The following EXO1 variants were observed in gnomAD, a reference collection of about 807,000 sequenced individuals.
EXO1 encodes the protein exonuclease 1.
A neutral mutation model predicts 84.5 loss-of-function variants in EXO1; 69 were observed. That is an observed-to-expected ratio of 0.82 (90% CI 0.67 to 1.00). The LOEUF is 1.00. Among genes scored for constraint, EXO1 ranks in the 50% least tolerant of loss-of-function variants. EXO1 has a pLI of 0.00. For missense variants in EXO1, 1,045 were observed against 1,000.7 expected (o/e 1.04, Z -0.60); for synonymous variants, 373 against 366.1 (o/e 1.02, Z -0.21).
chr1:241,886,467 C>A (rs535615083), intron 15 of EXO1, among the ~76,000 whole-genome samples: 1 of 152,040 alleles, frequency 6.6e-6, no homozygotes, highest in Non-Finnish European at 1.5e-5. Context: ...TAGGATTAAA[C>A]CTTACCTAGT....
chr1:241,884,673 G>GCGCA (rs77291686), intron 14 of EXO1, among the ~76,000 whole-genome samples: 2 of 115,906 alleles, frequency 1.7e-5, no homozygotes, highest in Non-Finnish European at 3.6e-5. Flanking sequence ...GTGTGTGTGT[G>GCGCA]TGTGCACGTG....
chr1:241,856,062 C>A (rs1661013810), intron 6 of EXO1, among the ~76,000 whole-genome samples: 1 of 152,212 alleles, frequency 6.6e-6, no homozygotes, highest in Admixed American at 6.5e-5. Context: ...CAAGTGCCGC[C>A]AAAGTGGGAG....
At chr1:241,853,217 C>T (rs1363889228) in intron 5 of EXO1, 141 bp from the exon 6 acceptor site, 1 of 808,708 alleles carries the variant, frequency 1.2e-6, no homozygotes, top group South Asian at 1.5e-5. Flanking sequence ...GGTTAATGTT[C>T]TCAAGGGCCT....
intron 11 of EXO1, 62 bp from the exon 12 acceptor site, chr1:241,871,965 GAAGTT>G (rs1369773272): frequency 9.0e-7 from 1 of 1,111,822 alleles, no homozygotes; most frequent in African/African-American, 1.6e-5. Flanking sequence ...GATATAAACT[GAAGTT>G]AAGGCCAAAT....
At chr1:241,888,918 TAC>T (rs372145994) in intron 15 of EXO1, among the ~76,000 whole-genome samples, 88 of 151,914 alleles carry the variant, frequency 5.8e-4, no homozygotes, top group African/African-American at 2.1e-3. Flanking sequence ...GTAGTAAAAA[TAC>T]AAAAATTAGC....
In EXO1 at chr1:241,879,034, C is replaced by A. The variant is rs1464464829; in HGVS notation, c.1800C>A (p.Pro600=). 2 of 1,614,086 alleles carry A rather than the reference C, an allele frequency of 1.2e-6. No individual in the cohort carries two copies. The highest frequency in any genetic ancestry group is 2.7e-5 in the African/African-American group (2 of 74,922). The part of the protein sequence containing the change: ...SSKFTRTISP[P]TLGTLRSCFS... Reference sequence around the variant, plus strand: ...AATTTACAAGGACCATTTCACCACCCACTTTGGGAACACTAAGAAGTTGTT... The same window carrying A: ...AATTTACAAGGACCATTTCACCACCAACTTTGGGAACACTAAGAAGTTGTT... The change falls in exon 13 of 16, where the codon CCC becomes CCA. Residue 600 remains proline, a synonymous_variant. Coordinates refer to ENST00000366548, the MANE Select transcript of EXO1 (RefSeq NM_130398.4).
intron 6 of EXO1, among the ~76,000 whole-genome samples, chr1:241,855,713 G>A (rs184187662): frequency 2.6e-5 from 4 of 152,150 alleles, no homozygotes; most frequent in African/African-American, 7.2e-5. Flanking sequence ...CTGCAGTCCC[G>A]AGTCCTGCCC....
intron 8 of EXO1, among the ~76,000 whole-genome samples, 170 bp from the exon 9 acceptor site, chr1:241,860,347 T>C (rs1661311386): frequency 6.6e-6 from 1 of 152,190 alleles, no homozygotes; most frequent in Admixed American, 6.5e-5. Context: ...TTATGAGACT[T>C]AGAATTTTAA....
rs1660470362 is a variant in EXO1 at position 241,848,380 on chromosome 1, T to C, written c.-420+27T>C. ...TGAGAGGAGCGGGCTGTGCGGAGGC[T>C]AATGGGTGGGTTCCCTTGGGGGTCG... On this transcript the variant is annotated intron_variant, in intron 1 of 15. Coordinates refer to ENST00000366548, the MANE Select transcript of EXO1 (RefSeq NM_130398.4). The surrounding 1 kb of genome is among the most constrained non-coding windows in gnomAD (Gnocchi z 4.2). The C allele has an allele frequency of 6.6e-6, 1 of 152,336 alleles. No individual in the cohort carries two copies. The highest frequency in any genetic ancestry group is 6.5e-5 in the Admixed American group (1 of 15,286). 9.4% of individuals were successfully genotyped at this position (152,336 alleles called of 1,614,324 possible). A position where few individuals can be genotyped will look rare whatever the true frequency, so the allele number is the denominator to read the frequency against.
intron 4 of EXO1, 110 bp downstream of exon 4, chr1:241,850,696 G>A: frequency 1.1e-6 from 1 of 882,084 alleles, no homozygotes; most frequent in East Asian, 2.5e-5. Context: ...AACTTATCAG[G>A]AAGTAAAAGT....
Position 241,858,528 on chromosome 1 carries a change from T to C in EXO1, c.566T>C (p.Phe189Ser). The change falls in exon 8 of 16, where the codon TTT becomes TCT. Residue 189 changes from phenylalanine to serine, a missense_variant. By Grantham distance (155) the Phe-to-Ser change is radical. Coordinates refer to ENST00000366548, the MANE Select transcript of EXO1 (RefSeq NM_130398.4). ...CKKVILKMDQ[F>S]GNGLEIDQAR... is the part of the protein sequence containing the mutation. ...AAGGTAATTTTAAAGATGGACCAGT[T>C]TGGAAATGGACTTGAAATTGATCAA... 1 of 1,613,982 alleles carries C rather than the reference T, an allele frequency of 6.2e-7. No individual in the cohort carries two copies. Among genetic ancestry groups the C allele is most frequent in the South Asian group, 1.1e-5 (1 of 91,084 alleles).
chr1:241,866,206 T>C (rs1455260501), intron 10 of EXO1, among the ~76,000 whole-genome samples: 6 of 152,194 alleles, frequency 3.9e-5, no homozygotes, highest in Non-Finnish European at 4.4e-5. Flanking sequence ...CTCTGCCTCC[T>C]GGGTTCAAGT....
At chr1:241,867,576 GAGTT>G (rs765056785) in intron 11 of EXO1, among the ~76,000 whole-genome samples, 24 of 151,878 alleles carry the variant, frequency 1.6e-4, no homozygotes, top group Non-Finnish European at 2.8e-4. Flanking sequence ...GAGCCATTTT[GAGTT>G]AGTTTTTTTA....
chr1:241,859,741 A>G (rs1661266777), intron 8 of EXO1, among the ~76,000 whole-genome samples: 1 of 152,230 alleles, frequency 6.6e-6, no homozygotes, highest in South Asian at 2.1e-4. Context: ...CATGTATCAT[A>G]TATCATCTGG....
chr1:241,871,889 A>C, intron 11 of EXO1, 143 bp from the exon 12 acceptor site: 2 of 612,094 alleles, frequency 3.3e-6, no homozygotes, highest in Non-Finnish European at 5.6e-6. Context: ...CCTTATCCTT[A>C]TGTTTTCTTT....
chr1:241,884,117 CT>C (rs1662914757), intron 14 of EXO1, among the ~76,000 whole-genome samples: 1 of 152,124 alleles, frequency 6.6e-6, no homozygotes, highest in Non-Finnish European at 1.5e-5. Flanking sequence ...TTTCAAAATC[CT>C]AAGGTTGTCC....
chr1:241,869,478 G>A (rs1326532669), intron 11 of EXO1, among the ~76,000 whole-genome samples: 1 of 152,008 alleles, frequency 6.6e-6, no homozygotes, highest in Non-Finnish European at 1.5e-5. Context: ...ATCTACATCG[G>A]TGAATGAAAT....
At chr1:241,867,085 TGA>T in intron 11 of EXO1, 30 bp downstream of exon 11, 1 of 1,455,584 alleles carries the variant, frequency 6.9e-7, no homozygotes, top group Non-Finnish European at 9.6e-7. Flanking sequence ...AAAATGCTGG[TGA>T]ATATTGGTCA....
rs140390890 is a variant in EXO1, at chr1:241,874,208, G to A, written c.1514+1930G>A. On this transcript the variant is annotated intron_variant, in intron 12 of 15. Coordinates refer to ENST00000366548, the MANE Select transcript of EXO1 (RefSeq NM_130398.4). ...GAGGTCAGGAGTTTGAGACTAGCCT[G>A]GATGAAATGGGGAAACCCCGTCCTT... Among the ~76,000 whole-genome samples the A allele has an allele frequency of 7.7e-3, 1,168 of 152,288 alleles. 18 individuals carry two copies. The highest frequency in any genetic ancestry group is 0.027 in the African/African-American group (1,109 of 41,556).
Sources: gnomAD v4.1 joint callset for allele counts (sites outside exome capture counted in the v4.1 genomes callset) on GRCh38, gnomAD v4.1.1 for gene constraint, Gnocchi (gnomAD v3.1) non-coding constraint, MANE v1.5 for transcripts, NCBI Gene and HGNC (gene_info 2026-07-23, HGNC 2026-07-21) for gene names.